SCTR: variants seen among roughly 807,000 people sequenced by gnomAD.
SCTR encodes secretin receptor.
SCTR carries 56 observed loss-of-function variants against 60.8 expected under a neutral mutation model. That is an observed-to-expected ratio of 0.92 (90% CI 0.74 to 1.15). The LOEUF (loss-of-function observed/expected upper bound fraction) is 1.15, where lower values mean the gene tolerates loss of function less well. Among genes scored for constraint, SCTR ranks in the 50% most tolerant of loss-of-function variants. SCTR has a pLI of 0.00. For missense variants in SCTR, 562 were observed against 550.4 expected (o/e 1.02, Z -0.21); for synonymous variants, 202 against 217.0 (o/e 0.93, Z 0.61).
intron 9 of SCTR, among the ~76,000 whole-genome samples, chr2:119,450,920 G>A (rs1036944059): frequency 4.6e-5 from 7 of 152,204 alleles, no homozygotes; most frequent in South Asian, 4.1e-4. Context: ...CATGGGTTGC[G>A]CCACTGCGCT....
chr2:119,496,127 G>A (rs1441138707), intron 1 of SCTR, among the ~76,000 whole-genome samples: 1 of 152,204 alleles, frequency 6.6e-6, no homozygotes, highest in Non-Finnish European at 1.5e-5. Flanking sequence ...GCACCCTCTG[G>A]CTTCTCAGTG....
chr2:119,457,777 A>G (rs2104788583), intron 7 of SCTR, among the ~76,000 whole-genome samples: 1 of 152,340 alleles, frequency 6.6e-6, no homozygotes, highest in South Asian at 2.1e-4. Flanking sequence ...CTAATGCTTC[A>G]AACAGACAAA....
At chr2:119,509,898 T>C (rs956823418) in intron 1 of SCTR, among the ~76,000 whole-genome samples, 10 of 152,130 alleles carry the variant, frequency 6.6e-5, no homozygotes, top group African/African-American at 2.4e-4. Context: ...CATAAATGAA[T>C]CACACAGTAT....
chr2:119,441,548 G>A lies in SCTR; in HGVS notation c.1182+10C>T, dbSNP rs1465124264. The A allele has an allele frequency of 2.5e-6, 4 of 1,609,016 alleles. No homozygotes were observed. The highest frequency in any genetic ancestry group is 3.4e-6 in the Non-Finnish European group (4 of 1,176,198). ...TCTCCTGGGTACCTGGGTGACCCAA[G>A]ACTACTCACCTCCCCATTGAGGAAG... On this transcript the variant is annotated intron_variant, in intron 12 of 12. Coordinates refer to ENST00000019103, the MANE Select transcript of SCTR (RefSeq NM_002980.3).
intron 1 of SCTR, among the ~76,000 whole-genome samples, chr2:119,514,631 T>C (rs1679055484): frequency 6.6e-6 from 1 of 152,168 alleles, no homozygotes; most frequent in South Asian, 2.1e-4. Context: ...ATCCTAGCAC[T>C]TTGGGAGGCC....
chr2:119,468,413 C>T (rs567643426), intron 4 of SCTR, among the ~76,000 whole-genome samples: 101 of 152,296 alleles, frequency 6.6e-4, no homozygotes, highest in Non-Finnish European at 1.9e-4. Context: ...GACTGTGACT[C>T]ACCAACTGTG....
intron 9 of SCTR, among the ~76,000 whole-genome samples, chr2:119,449,406 T>C (rs1225855674): frequency 6.7e-6 from 1 of 149,016 alleles, no homozygotes; most frequent in Non-Finnish European, 1.5e-5. Context: ...TAAGAGCACT[T>C]AAAATATCTT....
Position 119,453,348 on chromosome 2 carries a change from C to A in SCTR, c.791-1G>T. 6.2e-7 allele frequency: 1 copy of A among 1,612,722 alleles called. No homozygotes were observed. ...AAAGCAACAAAAATGGCTGGAGAAC[C>A]TGAGGATTAAAAACAAAGGGAGGGG... On this transcript the variant is annotated splice_acceptor_variant, in intron 7 of 12. Coordinates refer to ENST00000019103, the MANE Select transcript of SCTR (RefSeq NM_002980.3). LOFTEE classifies it high-confidence loss of function.
intron 7 of SCTR, among the ~76,000 whole-genome samples, chr2:119,456,499 C>T (rs1406275871): frequency 1.3e-5 from 2 of 152,170 alleles, no homozygotes; most frequent in South Asian, 2.1e-4. Flanking sequence ...TCCAACACAA[C>T]TAGAGAGTGA....
chr2:119,512,605 C>A (rs2104943857), intron 1 of SCTR, among the ~76,000 whole-genome samples: 1 of 152,276 alleles, frequency 6.6e-6, no homozygotes, highest in Middle Eastern at 3.4e-3. Flanking sequence ...CCTTGTTGGT[C>A]AGGCTGGTCT....
intron 7 of SCTR, among the ~76,000 whole-genome samples, chr2:119,460,136 C>T (rs1275846070): frequency 6.6e-6 from 1 of 151,472 alleles, no homozygotes; most frequent in Non-Finnish European, 1.5e-5. Context: ...GCTCTGCCAG[C>T]TCAGGCAGCT....
intron 1 of SCTR, among the ~76,000 whole-genome samples, chr2:119,505,437 C>T (rs1370638660): frequency 1.4e-4 from 20 of 144,530 alleles, no homozygotes; most frequent in Middle Eastern, 4.5e-3. Flanking sequence ...CTAACCTGCA[C>T]GTTGTGCACA....
At chr2:119,508,701 T>C (rs926312777) in intron 1 of SCTR, among the ~76,000 whole-genome samples, 1 of 152,182 alleles carries the variant, frequency 6.6e-6, no homozygotes, top group Non-Finnish European at 1.5e-5. Context: ...AATTAATTTT[T>C]TTCATTGATA....
rs908854944 is a variant in SCTR, at chr2:119,479,221, T to A, written c.194-303A>T. 19 of 1,118,220 alleles carry A rather than the reference T, an allele frequency of 1.7e-5. No individual in the cohort carries two copies. In the African/African-American group the frequency reaches 3.1e-4, roughly 18 times the overall value. The allele number at this position is 1,118,220 out of a possible 1,614,324, so 69.3% of individuals were successfully genotyped here. ...TAAGCTTTGCAAGTAAAGGTCTGGA[T>A]TTCTCTGGAGCAGATGGCACATCTG... On this transcript the variant is annotated intron_variant, in intron 2 of 12. Transcript: ENST00000019103.
At chr2:119,517,891 C>G (rs1439025122) in intron 1 of SCTR, among the ~76,000 whole-genome samples, 1 of 152,118 alleles carries the variant, frequency 6.6e-6, no homozygotes, top group Admixed American at 6.5e-5. Flanking sequence ...AGCCCTACCC[C>G]CAGGGTGGCT....
intron 1 of SCTR, among the ~76,000 whole-genome samples, chr2:119,512,886 G>A (rs1027649620): frequency 2.0e-4 from 30 of 152,264 alleles, no homozygotes; most frequent in Non-Finnish European, 1.2e-4. Flanking sequence ...TTAGTTGTAC[G>A]TCTTAAGTTT....
intron 1 of SCTR, among the ~76,000 whole-genome samples, chr2:119,521,109 G>A (rs1198822932): frequency 6.6e-6 from 1 of 152,202 alleles, no homozygotes; most frequent in African/African-American, 2.4e-5. Context: ...AATGTCAGTA[G>A]TGTGAAGAAA....
chr2:119,464,438 C>T (rs889405497), intron 5 of SCTR, among the ~76,000 whole-genome samples, 183 bp from the exon 6 acceptor site: 2 of 146,808 alleles, frequency 1.4e-5, no homozygotes, highest in Non-Finnish European at 3.0e-5. Flanking sequence ...GTCTAATTTG[C>T]TACATGCTGC....
chr2:119,483,125 G>T (rs535969305), intron 2 of SCTR, among the ~76,000 whole-genome samples: 1 of 152,376 alleles, frequency 6.6e-6, no homozygotes, highest in South Asian at 2.1e-4. Context: ...TGGCCAGACA[G>T]ATGTGGACGG....
Sources: allele counts gnomAD v4.1 joint callset (sites outside exome capture counted in the v4.1 genomes callset), GRCh38; gene constraint gnomAD v4.1.1; transcripts MANE v1.5; gene names NCBI Gene and HGNC (gene_info 2026-07-23, HGNC 2026-07-21).